RBFOX3: variants seen among roughly 807,000 people sequenced by gnomAD.
RBFOX3 encodes the protein RNA binding fox-1 homolog 3, also known as RNA binding protein fox-1 homolog 3.
A neutral mutation model predicts 48.7 loss-of-function variants in RBFOX3; 17 were observed. That is an observed-to-expected ratio of 0.35 (90% CI 0.24 to 0.52). The LOEUF is 0.52. Among genes scored for constraint, RBFOX3 ranks in the 20% least tolerant of loss-of-function variants. The pLI is 0.94. For missense variants in RBFOX3, 382 were observed against 497.5 expected (o/e 0.77, Z 2.21); for synonymous variants, 212 against 209.5 (o/e 1.01, Z -0.10).
the RBFOX3 span, among the ~76,000 whole-genome samples, chr17:79,624,995 T>C: frequency 8.9e-4 from 135 of 152,230 alleles, no homozygotes; most frequent in African/African-American, 3.1e-3. Flanking sequence ...AAGGGCGTGA[T>C]TGAGGTGTGA....
intron 4 of RBFOX3, among the ~76,000 whole-genome samples, chr17:79,196,436 G>A (rs1428870461): frequency 6.6e-6 from 1 of 152,222 alleles, no homozygotes. Flanking sequence ...TGGGACGGCA[G>A]TACCTCTCTC....
At position 79,443,909 on chromosome 17, in the gene RBFOX3, T is replaced by A. The variant is rs782662480; in HGVS notation, c.-175+38545A>T. Among the ~76,000 whole-genome samples, 1 of 152,152 alleles carries A rather than the reference T, an allele frequency of 6.6e-6. No homozygotes were observed. The highest frequency in any genetic ancestry group is 1.5e-5 in the Non-Finnish European group (1 of 68,024). On this transcript the variant is annotated intron_variant, in intron 2 of 14. Transcript: ENST00000693108. This position sits in a 1 kb window ranked among gnomAD's most constrained non-coding sequence, Gnocchi z 4.4. ...GAACAGAAATCCTACAGGGTACCCGTGACTTACTGGGCTATCCCGAGTGCC... is the reference window on the plus strand; with the variant it reads ...GAACAGAAATCCTACAGGGTACCCGAGACTTACTGGGCTATCCCGAGTGCC...
the RBFOX3 span, among the ~76,000 whole-genome samples, chr17:79,641,918 C>T: frequency 1.3e-5 from 2 of 152,190 alleles, no homozygotes; most frequent in Non-Finnish European, 2.9e-5. Flanking sequence ...GCTCCCCCTG[C>T]ACCTTCCACC....
chr17:79,565,158 C>T (rs1319173871), intron 1 of RBFOX3, among the ~76,000 whole-genome samples: 1 of 151,204 alleles, frequency 6.6e-6, no homozygotes, highest in Non-Finnish European at 1.5e-5. Flanking sequence ...TAAAAGACTG[C>T]TAGGAAATAT....
At chr17:79,294,369 G>A (rs1239944489) in intron 3 of RBFOX3, among the ~76,000 whole-genome samples, 2 of 152,136 alleles carry the variant, frequency 1.3e-5, no homozygotes, top group African/African-American at 4.8e-5. Flanking sequence ...GGAGTACAGT[G>A]GTGTGATCTC....
intron 1 of RBFOX3, among the ~76,000 whole-genome samples, chr17:79,552,284 G>C (rs1440503818): frequency 6.6e-6 from 1 of 152,146 alleles, no homozygotes; most frequent in Non-Finnish European, 1.5e-5. Context: ...GGAAAATGCA[G>C]GGAGCTTCTG....
intron 1 of RBFOX3, among the ~76,000 whole-genome samples, chr17:79,499,060 A>C (rs1396828813): frequency 6.9e-6 from 1 of 144,262 alleles, no homozygotes; most frequent in Non-Finnish European, 1.5e-5. Context: ...ATCCATCCAC[A>C]TTCCTACCCA....
At chr17:79,104,711 G>A (rs781290863) in intron 6 of RBFOX3, among the ~76,000 whole-genome samples, 6 of 152,188 alleles carry the variant, frequency 3.9e-5, no homozygotes, top group Non-Finnish European at 8.8e-5. Flanking sequence ...AAGTGCTGGG[G>A]TCAGGAAATG....
chr17:79,595,126 A>C (rs1198536148), intron 1 of RBFOX3, among the ~76,000 whole-genome samples: 87 of 133,328 alleles, frequency 6.5e-4, no homozygotes, highest in African/African-American at 1.1e-3. Context: ...AATGACCCCC[A>C]CCCCCGCCTG....
chr17:79,577,294 C>A (rs1464035619), intron 1 of RBFOX3, among the ~76,000 whole-genome samples: 1 of 152,132 alleles, frequency 6.6e-6, no homozygotes, highest in Admixed American at 6.5e-5. Flanking sequence ...TGGTGGGGTG[C>A]AGGATCACTG....
chr17:79,453,692 G>A (rs1301994128), intron 2 of RBFOX3, among the ~76,000 whole-genome samples: 1 of 151,882 alleles, frequency 6.6e-6, no homozygotes, highest in Non-Finnish European at 1.5e-5. Context: ...TGTGTGCAGT[G>A]TGTGCCGGTG....
chr17:79,347,466 A>T (rs1265143095), intron 2 of RBFOX3, among the ~76,000 whole-genome samples: 1 of 151,818 alleles, frequency 6.6e-6, no homozygotes, highest in Non-Finnish European at 1.5e-5. Context: ...TCTTTGTAGG[A>T]CTTCTATGAT....
chr17:79,126,833 G>C (rs544541085), intron 4 of RBFOX3, among the ~76,000 whole-genome samples: 1 of 152,152 alleles, frequency 6.6e-6, no homozygotes, highest in Non-Finnish European at 1.5e-5. Context: ...TAACGAGGAG[G>C]CTCCTTCAGT....
At chr17:79,226,848 G>T (rs1305894725) in intron 4 of RBFOX3, among the ~76,000 whole-genome samples, 2 of 152,198 alleles carry the variant, frequency 1.3e-5, no homozygotes, top group Non-Finnish European at 2.9e-5. Flanking sequence ...GAAAGAGGGA[G>T]CGTGAGGCTG....
chr17:79,547,838 C>CCACGTGCA, intron 1 of RBFOX3, among the ~76,000 whole-genome samples: 1 of 152,026 alleles, frequency 6.6e-6, no homozygotes, highest in African/African-American at 2.4e-5. Context: ...GTACTCGCAC[C>CCACGTGCA]CACACCGATT....
At position 79,299,183 on chromosome 17, in the gene RBFOX3, T is replaced by A. The variant is rs1384044641; in HGVS notation, c.-74+8541A>T. On this transcript the variant is annotated intron_variant, in intron 3 of 14. Transcript: ENST00000693108. The surrounding 1 kb of genome is among the most constrained non-coding windows in gnomAD (Gnocchi z 4.5). ...AACAGAGGCCAGAGAGGGTGGGATG[T>A]GAGGGCGGGTCCCATTCCTGAAAGT... Among the ~76,000 whole-genome samples, 1 of 149,492 alleles carries A rather than the reference T, an allele frequency of 6.7e-6. No individual in the cohort carries two copies. The highest frequency in any genetic ancestry group is 2.1e-4 in the South Asian group (1 of 4,698).
intron 2 of RBFOX3, among the ~76,000 whole-genome samples, chr17:79,387,170 G>A (rs1407987891): frequency 6.6e-6 from 1 of 152,140 alleles, no homozygotes; most frequent in Non-Finnish European, 1.5e-5. Flanking sequence ...TCCAAGCATG[G>A]GGTCTGGCCA....
intron 1 of RBFOX3, among the ~76,000 whole-genome samples, chr17:79,570,099 A>G (rs1445910922): frequency 2.0e-5 from 3 of 150,036 alleles, no homozygotes; most frequent in Admixed American, 1.3e-4. Context: ...TGGATTATGG[A>G]TGGATGGATA....
At chr17:79,147,054 G>A (rs931058573) in intron 4 of RBFOX3, among the ~76,000 whole-genome samples, 3 of 152,218 alleles carry the variant, frequency 2.0e-5, no homozygotes, top group African/African-American at 4.8e-5. Context: ...ACCAGCCTCC[G>A]GGTGTCCCGG....
Sources: allele counts gnomAD v4.1 joint callset (sites outside exome capture counted in the v4.1 genomes callset), GRCh38; gene constraint gnomAD v4.1.1; non-coding constraint Gnocchi (gnomAD v3.1); transcripts MANE v1.5; gene names NCBI Gene and HGNC (gene_info 2026-07-23, HGNC 2026-07-21).